Variants in UMODL1 observed in about 807,000 individuals in gnomAD.
UMODL1 encodes uromodulin-like 1.
UMODL1 carries 128 observed loss-of-function variants against 136.3 expected under a neutral mutation model. That is an observed-to-expected ratio of 0.94 (90% CI 0.81 to 1.09). The LOEUF is 1.09. Among genes scored for constraint, UMODL1 ranks in the 50% least tolerant of loss-of-function variants. UMODL1 has a pLI of 0.00. For synonymous variants in UMODL1, 721 were observed against 720.0 expected (o/e 1.00, Z -0.02); for missense variants, 1,766 against 1,725.6 (o/e 1.02, Z -0.41).
At chr21:42,091,047 G>A (rs1414850291) in intron 6 of UMODL1, among the ~76,000 whole-genome samples, 3 of 152,178 alleles carry the variant, frequency 2.0e-5, no homozygotes, top group African/African-American at 7.2e-5. Flanking sequence ...TTGCCAAGAG[G>A]GAATGGCTGG....
intron 9 of UMODL1, 31 bp from the exon 10 acceptor site, chr21:42,109,531 C>T (rs994049854): frequency 6.3e-7 from 1 of 1,597,876 alleles, no homozygotes; most frequent in Non-Finnish European, 8.5e-7. Flanking sequence ...GCTGTTTTCT[C>T]ATGGGTTTTG....
At position 42,095,807 on chromosome 21, in the gene UMODL1, T is replaced by C. The variant is rs73223526; in HGVS notation, c.932-3119T>C. 4.8e-3 allele frequency among the ~76,000 whole-genome samples: 733 copies of C among 152,244 alleles called. 3 individuals are homozygous for C. Among genetic ancestry groups the C allele is most frequent in the Non-Finnish European group, 8.3e-3 (567 of 67,976 alleles). On this transcript the variant is annotated intron_variant, in intron 6 of 22. Transcript: ENST00000408910. ...TTTGTCCTCTGTAAAATGGGGATCC[T>C]AGAAGAACTTATTACCTGGGATTGC...
chr21:42,122,259 G>A lies in UMODL1; in HGVS notation c.2828-572G>A, dbSNP rs2066982209. On this transcript the variant is annotated intron_variant, in intron 16 of 22. Coordinates refer to ENST00000408910, the MANE Select transcript of UMODL1 (RefSeq NM_001004416.3). The surrounding 1 kb of genome is among the most constrained non-coding windows in gnomAD (Gnocchi z 4.3). ...TAGACCACCCCGAGAACAGGTGGGT[G>A]GATTGGAAAGCTTTCCGGGCCCCTT... Among the ~76,000 whole-genome samples, 1 of 152,180 alleles carries A rather than the reference G, an allele frequency of 6.6e-6. No homozygotes were observed. The highest frequency in any genetic ancestry group is 6.5e-5 in the Admixed American group (1 of 15,284).
chr21:42,091,817 G>A (rs1173902840), intron 6 of UMODL1, among the ~76,000 whole-genome samples: 1 of 152,200 alleles, frequency 6.6e-6, no homozygotes, highest in African/African-American at 2.4e-5. Flanking sequence ...CACAGAGGCG[G>A]GGCTGGGCTG....
chr21:42,113,506 G>A, intron 12 of UMODL1, 67 bp from the exon 13 acceptor site: 3 of 1,550,632 alleles, frequency 1.9e-6, no homozygotes, highest in African/African-American at 1.4e-5. Context: ...TTTTGGCATT[G>A]GGCGAGGCTT....
rs1251115758 is a variant in UMODL1, at chr21:42,099,014, C to T, written c.1020C>T (p.His340=). Residue 340 remains histidine, a synonymous_variant, in exon 7 of 23, where the codon CAC becomes CAT. Transcript: ENST00000408910. This position sits in a 1 kb window ranked among gnomAD's most constrained non-coding sequence, Gnocchi z 4.1. ...GGCGTTTAAATTCTACACAGAACCA[C>T]ACTTTCCATGTCCGGGTTTACCGGG... ...VSWRLNSTQN[H]TFHVRVYRGM... is the part of the protein sequence containing the mutation. 2 of 1,614,242 alleles carry T rather than the reference C, an allele frequency of 1.2e-6. No individual in the cohort carries two copies. Among genetic ancestry groups the T allele is most frequent in the Non-Finnish European group, 1.7e-6 (2 of 1,180,048 alleles).
chr21:42,119,107 G>T lies in UMODL1; in HGVS notation c.2476-4G>T. On this transcript the variant is annotated splice_polypyrimidine_tract_variant and splice_region_variant and intron_variant, in intron 14 of 22. Coordinates refer to ENST00000408910, the MANE Select transcript of UMODL1 (RefSeq NM_001004416.3). ...ACCTCCTCACATGGCCTCTTTCCCC[G>T]CAGGTGCGGGGCTCCCTGCCAGCCA... The T allele has an allele frequency of 6.2e-7, 1 of 1,611,280 alleles. No homozygotes were observed. The highest frequency in any genetic ancestry group is 8.5e-7 in the Non-Finnish European group (1 of 1,178,986).
chr21:42,130,971 G>A (rs549005464), intron 21 of UMODL1, among the ~76,000 whole-genome samples: 4 of 152,122 alleles, frequency 2.6e-5, no homozygotes, highest in East Asian at 3.9e-4. Context: ...CCACCGCCAC[G>A]CCCGGCTAAT....
intron 2 of UMODL1, among the ~76,000 whole-genome samples, chr21:42,083,170 G>A (rs1456119509): frequency 6.6e-6 from 1 of 152,190 alleles, no homozygotes; most frequent in East Asian, 1.9e-4. Context: ...CACCTCCAGT[G>A]CCACTCTGCC....
intron 14 of UMODL1, 64 bp from the exon 15 acceptor site, chr21:42,119,047 C>A (rs2066934862): frequency 6.5e-7 from 1 of 1,548,376 alleles, no homozygotes; most frequent in Non-Finnish European, 8.8e-7. Flanking sequence ...GAGGAACCGC[C>A]TTGAGACGGG....
At chr21:42,115,339 A>AC (rs1354453588) in intron 13 of UMODL1, among the ~76,000 whole-genome samples, 1 of 152,188 alleles carries the variant, frequency 6.6e-6, no homozygotes, top group African/African-American at 2.4e-5. Context: ...CAAAACAGGG[A>AC]CTGCCCATAG....
intron 20 of UMODL1, among the ~76,000 whole-genome samples, chr21:42,128,651 C>T (rs147391432): frequency 5.2e-4 from 79 of 152,350 alleles, no homozygotes; most frequent in African/African-American, 1.7e-3. Flanking sequence ...GTCCTAATGA[C>T]AGCAGGCTGA....
chr21:42,103,374 C>T (rs986327765), intron 8 of UMODL1: 7 of 294,222 alleles, frequency 2.4e-5, no homozygotes, highest in African/African-American at 1.5e-4. Flanking sequence ...GGCAGGGAAC[C>T]AGGCTGGTAT....
rs2146503191 is a variant in UMODL1, at chr21:42,111,031, G to GA, written c.1809_1810insA (p.Ala604SerfsTer19). The GA allele has an allele frequency of 6.2e-7, 1 of 1,613,254 alleles. No homozygotes were observed. Among genetic ancestry groups the GA allele is most frequent in the East Asian group, 2.2e-5 (1 of 44,858 alleles). On this transcript the variant is annotated frameshift_variant, in exon 11 of 23. Transcript: ENST00000408910. LOFTEE classifies it high-confidence loss of function. ...CTCAGGGCACCCCGGCAGCAGGCCA[G>GA]GCCTGGACCCCAGAGCCCTCACCCA...
chr21:42,117,727 C>G (rs1443192343), intron 14 of UMODL1, among the ~76,000 whole-genome samples: 1 of 152,210 alleles, frequency 6.6e-6, no homozygotes, highest in African/African-American at 2.4e-5. Flanking sequence ...TTCCCTGCTC[C>G]TGGTTTGTGC....
intron 12 of UMODL1, 53 bp downstream of exon 12, chr21:42,111,763 G>A: frequency 6.7e-7 from 1 of 1,498,592 alleles, no homozygotes; most frequent in Non-Finnish European, 9.0e-7. Flanking sequence ...CCCATAGCCT[G>A]TGTGAGCCTC....
chr21:42,096,633 T>C lies in UMODL1; in HGVS notation c.932-2293T>C, dbSNP rs77957265. On this transcript the variant is annotated intron_variant, in intron 6 of 22. Coordinates refer to ENST00000408910, the MANE Select transcript of UMODL1 (RefSeq NM_001004416.3). ...GGTGGGCCATCTGTTGTCCCACCCA[T>C]GTGCTCTCTCGCTCTGCGTCAAGTT... Among the ~76,000 whole-genome samples, 344 of 152,308 alleles carry C rather than the reference T, an allele frequency of 2.3e-3. 1 individual carries two copies. Among genetic ancestry groups the C allele is most frequent in the African/African-American group, 7.8e-3 (324 of 41,568 alleles).
At chr21:42,087,074 T>C (rs1184540454) in intron 4 of UMODL1, among the ~76,000 whole-genome samples, 1 of 152,234 alleles carries the variant, frequency 6.6e-6, no homozygotes, top group Admixed American at 6.5e-5. Flanking sequence ...CTGAGCTTCC[T>C]GATGCGTGTG....
Position 42,084,284 on chromosome 21 carries a change from A to G in UMODL1, c.481+39A>G, listed in dbSNP as rs370296018. 48 of 1,603,380 alleles carry G rather than the reference A, an allele frequency of 3.0e-5. No homozygotes were observed. In the African/African-American group the frequency reaches 6.2e-4, roughly 21 times the overall value. ...GGCCATGCTTATGGACAGGCAGCAA[A>G]GGCGGGTCTCGGTGAGGCCTGATCT... On this transcript the variant is annotated intron_variant, in intron 3 of 22. Coordinates refer to ENST00000408910, the MANE Select transcript of UMODL1 (RefSeq NM_001004416.3).
Sources: gnomAD v4.1 joint callset for allele counts (sites outside exome capture counted in the v4.1 genomes callset) on GRCh38, gnomAD v4.1.1 for gene constraint, Gnocchi (gnomAD v3.1) non-coding constraint, MANE v1.5 for transcripts, NCBI Gene and HGNC (gene_info 2026-07-23, HGNC 2026-07-21) for gene names.